DMD: variants seen among roughly 807,000 people sequenced by gnomAD.
DMD encodes dystrophin.
Under a neutral mutation model 330.1 loss-of-function variants are expected in DMD, and 63 were observed. The observed-to-expected ratio is 0.19, with a 90% CI of 0.16 to 0.24. The LOEUF is 0.24. Among genes scored for constraint, DMD ranks in the 10% least tolerant of loss-of-function variants. DMD has a pLI of 1.00. For synonymous variants in DMD, 1,223 were observed against 959.8 expected, an observed-to-expected ratio of 1.27 and a Z score of -5.07; for missense variants, 3,344 against 2,684.1, an observed-to-expected ratio of 1.25 and a Z score of -5.43.
intron 4 of DMD, among the ~76,000 whole-genome samples, chrX:32,832,441 T>C (rs1276636188): frequency 1.8e-5 from 2 of 111,326 alleles, no homozygotes; most frequent in East Asian, 5.6e-4. Flanking sequence ...TCTTTTCATT[T>C]CATTTCGTTC....
At chrX:32,240,966 T>A (rs865852843) in intron 43 of DMD, among the ~76,000 whole-genome samples, 10 of 111,945 alleles carry the variant, frequency 8.9e-5, no homozygotes, top group Middle Eastern at 4.6e-3. Flanking sequence ...GCGTCTTCAA[T>A]CCACAAGTTT....
intron 61 of DMD, among the ~76,000 whole-genome samples, chrX:31,328,466 T>C (rs1269894712): frequency 9.0e-6 from 1 of 110,828 alleles, no homozygotes; most frequent in Non-Finnish European, 1.9e-5. Context: ...ACTCTCCTCT[T>C]CCCCTGATAG....
chrX:31,823,170 G>A (rs2092812135), intron 49 of DMD, among the ~76,000 whole-genome samples: 2 of 112,941 alleles, frequency 1.8e-5, no homozygotes, highest in South Asian at 7.2e-4. Flanking sequence ...TGGCCAAGGA[G>A]GCACCCCTCT....
intron 1 of DMD, among the ~76,000 whole-genome samples, chrX:33,032,146 A>G (rs1383314396): frequency 2.7e-5 from 3 of 111,835 alleles, no homozygotes; most frequent in African/African-American, 9.7e-5. Context: ...TGCCTTGACC[A>G]GTGGAACACA....
intron 44 of DMD, among the ~76,000 whole-genome samples, chrX:32,131,212 C>T (rs2096692167): frequency 9.0e-6 from 1 of 111,697 alleles, no homozygotes; most frequent in South Asian, 3.8e-4. Context: ...TAAAATGAAA[C>T]AAAAATTGTT....
At chrX:33,131,791 C>T (rs889992431) in intron 1 of DMD, among the ~76,000 whole-genome samples, 1 of 112,271 alleles carries the variant, frequency 8.9e-6, no homozygotes, top group Non-Finnish European at 1.9e-5. Flanking sequence ...TATCAGTGTA[C>T]TCATTGTATG....
At chrX:32,605,033 C>A (rs1946140472) in intron 12 of DMD, among the ~76,000 whole-genome samples, 1 of 110,450 alleles carries the variant, frequency 9.1e-6, no homozygotes, top group African/African-American at 3.3e-5. Flanking sequence ...TCATTTTTCA[C>A]AGAATTAGAA....
chrX:32,951,690 C>T (rs961608320), intron 2 of DMD, among the ~76,000 whole-genome samples: 1 of 111,644 alleles, frequency 9.0e-6, no homozygotes, highest in East Asian at 2.8e-4. Flanking sequence ...CCAAGAAAAA[C>T]TGAAAGAGAC....
At chrX:32,517,940 A>G (rs1274663703) in intron 18 of DMD, 68 bp downstream of exon 18, 7 of 1,107,283 alleles carry the variant, frequency 6.3e-6, no homozygotes, top group Non-Finnish European at 8.7e-6. Flanking sequence ...AGAATCACAG[A>G]TAACAAAGCA....
intron 2 of DMD, among the ~76,000 whole-genome samples, chrX:32,927,958 C>A (rs1204242797): frequency 9.0e-6 from 1 of 110,690 alleles, no homozygotes; most frequent in East Asian, 2.8e-4. Context: ...GCCTGTGAGC[C>A]CTCAAAAATA....
intron 50 of DMD, among the ~76,000 whole-genome samples, chrX:31,815,977 T>C (rs1328016957): frequency 8.9e-6 from 1 of 112,041 alleles, no homozygotes; most frequent in Non-Finnish European, 1.9e-5. Flanking sequence ...AGCTGTCAGA[T>C]ATCTGAGAGA....
intron 11 of DMD, among the ~76,000 whole-genome samples, chrX:32,642,047 G>A (rs1174950997): frequency 2.7e-5 from 3 of 111,265 alleles, no homozygotes; most frequent in African/African-American, 6.5e-5. Flanking sequence ...TCATAATCAC[G>A]TTTTTTGTTT....
At chrX:31,154,285 T>A (rs994502112) in intron 74 of DMD, among the ~76,000 whole-genome samples, 4 of 110,232 alleles carry the variant, frequency 3.6e-5, no homozygotes, top group African/African-American at 9.9e-5. Flanking sequence ...TCTAATGTTT[T>A]TTTTTTATTT....
intron 55 of DMD, among the ~76,000 whole-genome samples, chrX:31,565,453 G>A: frequency 8.9e-6 from 1 of 112,200 alleles, no homozygotes; most frequent in Non-Finnish European, 1.9e-5. Flanking sequence ...TGATCTAAAA[G>A]TTGTTGCATG....
intron 7 of DMD, among the ~76,000 whole-genome samples, chrX:32,771,778 T>C (rs2073633958): frequency 8.9e-6 from 1 of 112,098 alleles, no homozygotes; most frequent in Non-Finnish European, 1.9e-5. Flanking sequence ...CCAAGTGACA[T>C]GCTCAAACTA....
intron 1 of DMD, among the ~76,000 whole-genome samples, chrX:33,032,943 C>T (rs1423912293): frequency 9.0e-6 from 1 of 111,608 alleles, no homozygotes; most frequent in Non-Finnish European, 1.9e-5. Context: ...GAATGAAGGC[C>T]AAACATGTTT....
intron 60 of DMD, among the ~76,000 whole-genome samples, chrX:31,396,549 T>G (rs942093207): frequency 6.1e-5 from 1 of 16,431 alleles, no homozygotes; most frequent in African/African-American, 6.6e-4. Context: ...AATCCCAGGG[T>G]TTTTTTTTTT....
chrX:32,268,250 G>C (rs1008343947), intron 43 of DMD, among the ~76,000 whole-genome samples: 1 of 111,317 alleles, frequency 9.0e-6, no homozygotes, highest in Non-Finnish European at 1.9e-5. Flanking sequence ...TCCTACAGCC[G>C]GAAACTGCAT....
At chrX:32,024,291 C>T (rs1423428243) in intron 44 of DMD, among the ~76,000 whole-genome samples, 2 of 109,584 alleles carry the variant, frequency 1.8e-5, no homozygotes, top group Non-Finnish European at 3.8e-5. Flanking sequence ...TCGAGACCAG[C>T]CTGGTCAACA....
Sources: allele counts gnomAD v4.1 joint callset (sites outside exome capture counted in the v4.1 genomes callset), GRCh38; gene constraint gnomAD v4.1.1; transcripts MANE v1.5; gene names NCBI Gene and HGNC (gene_info 2026-07-23, HGNC 2026-07-21).